The following OR4K1 variants were observed in gnomAD, a reference collection of about 807,000 sequenced individuals.
OR4K1 encodes the protein olfactory receptor family 4 subfamily K member 1, also known as olfactory receptor 4K1.
In OR4K1, 16 loss-of-function variants were observed where a neutral mutation model predicts 14.4. That is an observed-to-expected ratio of 1.11 (90% CI 0.75 to 1.68). The LOEUF is 1.68. OR4K1 is among the 40% of genes most tolerant of loss of function. The probability of loss-of-function intolerance (pLI) is 0.00; values close to 1 mark genes in which losing one functional copy is unlikely to be tolerated. For synonymous variants in OR4K1, 181 were observed against 133.1 expected (o/e 1.36, Z -2.48); for missense variants, 548 against 376.9 (o/e 1.45, Z -3.76).
In OR4K1 at chr14:19,936,268, C is replaced by G. The variant is rs200761942; in HGVS notation, c.602C>G (p.Thr201Arg). ...TATGAAATGGAAATTATGACCCTAA[C>G]GAACAGTGGCCTGATATCATTGAGC... ...DTYEMEIMTL[T>R]NSGLISLSCF... Residue 201 changes from threonine (T) to arginine (R), a missense_variant, in exon 2 of 2, where the codon ACG becomes AGG. By Grantham distance (71) the Thr-to-Arg change is moderately conservative. Coordinates refer to ENST00000641172, the MANE Select transcript of OR4K1 (RefSeq NM_001004063.3). 1.9e-6 allele frequency: 3 copies of G among 1,614,100 alleles called. No homozygotes were observed. Among genetic ancestry groups the G allele is most frequent in the African/African-American group, 2.7e-5 (2 of 74,938 alleles).
At chr14:19,926,328 T>C (rs1882063334), upstream of OR4K1, among the ~76,000 whole-genome samples, 1 of 152,226 alleles carries the variant, frequency 6.6e-6, no homozygotes, top group Non-Finnish European at 1.5e-5. Context: ...TTCAAACTCT[T>C]TTACTCTCTG....
rs746934178 is a variant in OR4K1 at position 19,935,781 on chromosome 14, G to A, written c.115G>A (p.Val39Met). 3.1e-6 allele frequency: 5 copies of A among 1,614,130 alleles called. No individual in the cohort carries two copies. The Admixed American group carries it at 6.7e-5, about 22-fold the overall frequency. ...CTTCTCTATAGTCTATGTGACATCA[G>A]TGCTAGGCAATGTCTTAATTATTGT... ...AIFSIVYVTS[V>M]LGNVLIIVII... The change falls in exon 2 of 2, where the codon GTG becomes ATG. Residue 39 changes from valine (V) to methionine (M), a missense_variant. Val to Met is a conservative substitution (Grantham distance 21, BLOSUM62 1). Transcript: ENST00000641172.
the OR4K1 span, chr14:19,920,486 T>A: frequency 7.6e-7 from 1 of 1,313,282 alleles, no homozygotes; most frequent in Non-Finnish European, 1.0e-6. Context: ...ATTCAGCAAA[T>A]GCACATTATA....
chr14:19,920,576 T>C, the OR4K1 span: 1 of 1,567,366 alleles, frequency 6.4e-7, no homozygotes, highest in Non-Finnish European at 8.6e-7. Context: ...TCCTTTAGAG[T>C]TGTTTCAGAA....
At position 19,936,339 on chromosome 14, in the gene OR4K1, G is replaced by T; in HGVS notation, c.673G>T (p.Val225Phe). The T allele has an allele frequency of 6.2e-7, 1 of 1,614,232 alleles. No homozygotes were observed. Among genetic ancestry groups the T allele is most frequent in the Non-Finnish European group, 8.5e-7 (1 of 1,180,052 alleles). Residue 225 changes from valine (V) to phenylalanine (F), a missense_variant, in exon 2 of 2, where the codon GTC becomes TTC. Val to Phe is a conservative substitution (Grantham distance 50). Transcript: ENST00000641172. Reference protein sequence around the residue: ...IISYTIILIGVRCRSSSGSSK... With the variant: ...IISYTIILIGFRCRSSSGSSK... The stretch of plus-strand genomic sequence containing the variant: ...TTCCTACACCATCATTTTGATCGGT[G>T]TCCGATGCAGGTCCTCCAGTGGGTC...
At chr14:19,929,240 A>G (rs1470863887), upstream of OR4K1, among the ~76,000 whole-genome samples, 1 of 149,150 alleles carries the variant, frequency 6.7e-6, no homozygotes, top group African/African-American at 2.4e-5. Context: ...ATATTATTAT[A>G]TAGTTTATAC....
upstream of OR4K1, among the ~76,000 whole-genome samples, chr14:19,930,679 T>G (rs1882165049): frequency 6.6e-6 from 1 of 152,242 alleles, no homozygotes; most frequent in Non-Finnish European, 1.5e-5. Flanking sequence ...TCAGTTAAAA[T>G]CAAGTAATCT....
upstream of OR4K1, among the ~76,000 whole-genome samples, chr14:19,927,571 C>T (rs1281938958): frequency 1.3e-5 from 2 of 152,206 alleles, no homozygotes; most frequent in African/African-American, 4.8e-5. Context: ...GGACCAAAAA[C>T]ATGGACTCTC....
chr14:19,927,555 T>G (rs1197848161), upstream of OR4K1, among the ~76,000 whole-genome samples: 1 of 151,940 alleles, frequency 6.6e-6, no homozygotes, highest in Non-Finnish European at 1.5e-5. Context: ...CAACAATGCC[T>G]ATCAGGGACC....
the OR4K1 span, chr14:19,920,491 A>G: frequency 1.5e-6 from 2 of 1,348,714 alleles, no homozygotes; most frequent in South Asian, 3.0e-5. Flanking sequence ...GCAAATGCAC[A>G]TTATATCTGA....
the OR4K1 span, among the ~76,000 whole-genome samples, chr14:19,922,403 C>A: frequency 2.0e-5 from 3 of 152,352 alleles, no homozygotes; most frequent in East Asian, 5.8e-4. Flanking sequence ...GCCTTAAATT[C>A]TCTGATCCCC....
chr14:19,923,292 C>A, the OR4K1 span, among the ~76,000 whole-genome samples: 2 of 152,210 alleles, frequency 1.3e-5, no homozygotes, highest in South Asian at 4.1e-4. Flanking sequence ...ACCCATATTA[C>A]GCTGTTTTAA....
In OR4K1 at chr14:19,935,666, C is replaced by T; in HGVS notation, c.-1C>T. The T allele has an allele frequency of 6.3e-7, 1 of 1,587,066 alleles. No individual in the cohort carries two copies. Among genetic ancestry groups the T allele is most frequent in the Non-Finnish European group, 8.6e-7 (1 of 1,169,404 alleles). ...TTTTTAGGTAACTGAATATTGGATA[C>T]ATGGCTCACACAAATGAATCGATGG... On this transcript the variant is annotated 5_prime_UTR_variant, in exon 2 of 2. Transcript: ENST00000641172.
At chr14:19,927,592 G>A (rs923452121), upstream of OR4K1, among the ~76,000 whole-genome samples, 1 of 152,202 alleles carries the variant, frequency 6.6e-6, no homozygotes, top group African/African-American at 2.4e-5. Flanking sequence ...TTTTATCAAG[G>A]TTAGTCTCAT....
intron 1 of OR4K1, among the ~76,000 whole-genome samples, chr14:19,932,653 G>A (rs999507364): frequency 1.3e-5 from 2 of 152,222 alleles, no homozygotes; most frequent in Admixed American, 6.5e-5. Flanking sequence ...CTAGTCTACT[G>A]TAGGAGTCAT....
At chr14:19,925,285 A>G in the OR4K1 span, among the ~76,000 whole-genome samples, 1 of 152,232 alleles carries the variant, frequency 6.6e-6, no homozygotes, top group Non-Finnish European at 1.5e-5. Context: ...GACATTGAAC[A>G]GATTACTTAG....
At chr14:19,920,791 T>A in the OR4K1 span, 1 of 1,614,234 alleles carries the variant, frequency 6.2e-7, no homozygotes, top group Non-Finnish European at 8.5e-7. Flanking sequence ...ATGTACTTTC[T>A]CTTGGGAAAC....
intron 1 of OR4K1, among the ~76,000 whole-genome samples, chr14:19,933,717 C>T (rs532190003): frequency 5.9e-5 from 9 of 152,270 alleles, no homozygotes; most frequent in South Asian, 4.1e-4. Flanking sequence ...CTCAGCCTCC[C>T]GAGTAGCTGG....
chr14:19,936,330 T>C lies in OR4K1; in HGVS notation c.664T>C (p.Leu222=). 1 of 1,614,282 alleles carries C rather than the reference T, an allele frequency of 6.2e-7. No individual in the cohort carries two copies. The highest frequency in any genetic ancestry group is 1.1e-5 in the South Asian group (1 of 91,088). The change falls in exon 2 of 2, where the codon TTG becomes CTG. Residue 222 remains leucine, a synonymous_variant. Coordinates refer to ENST00000641172, the MANE Select transcript of OR4K1 (RefSeq NM_001004063.3). ...TTTAATTATTTCCTACACCATCATT[T>C]TGATCGGTGTCCGATGCAGGTCCTC... ...LALIISYTII[L]IGVRCRSSSG...
Sources: allele counts gnomAD v4.1 joint callset (sites outside exome capture counted in the v4.1 genomes callset), GRCh38; gene constraint gnomAD v4.1.1; transcripts MANE v1.5; gene names NCBI Gene and HGNC (gene_info 2026-07-23, HGNC 2026-07-21).